Variants in DNAJB6 observed in about 807,000 individuals in gnomAD.
DNAJB6 encodes dnaJ homolog subfamily B member 6.
DNAJB6 carries 16 observed loss-of-function variants against 42.7 expected under a neutral mutation model. The observed-to-expected ratio is 0.37, with a 90% CI of 0.25 to 0.57. DNAJB6 has a LOEUF of 0.57. Ranked by LOEUF, DNAJB6 falls within the 20% of genes least tolerant of loss-of-function variation. The pLI is 0.74. For missense variants in DNAJB6, 347 were observed against 416.8 expected (o/e 0.83, Z 1.46); for synonymous variants, 170 against 163.5 (o/e 1.04, Z -0.30).
chr7:157,337,801 A>G (rs1329880317), intron 1 of DNAJB6: 1 of 152,246 alleles, frequency 6.6e-6, no homozygotes, highest in Admixed American at 6.5e-5. Context: ...ATTAACTCTT[A>G]CCTAAGGAAG....
chr7:157,390,862 TTC>T (rs1489935260), intron 8 of DNAJB6, among the ~76,000 whole-genome samples: 7 of 152,070 alleles, frequency 4.6e-5, no homozygotes, highest in Non-Finnish European at 1.0e-4. Context: ...TTTGGACCAG[TTC>T]TCTCTCTCTA....
At chr7:157,385,490 A>C in intron 7 of DNAJB6, 51 bp from the exon 8 acceptor site, 1 of 1,581,660 alleles carries the variant, frequency 6.3e-7, no homozygotes, top group Non-Finnish European at 8.6e-7. Flanking sequence ...TTACCCTCAC[A>C]CATGCATTTT....
chr7:157,361,666 T>C (rs1799603285), intron 2 of DNAJB6, among the ~76,000 whole-genome samples: 1 of 152,232 alleles, frequency 6.6e-6, no homozygotes, highest in Non-Finnish European at 1.5e-5. Flanking sequence ...AGGGGTATGC[T>C]GCTTCTCTTT....
Position 157,369,828 on chromosome 7 carries a change from G to T in DNAJB6, c.346+2345G>T, listed in dbSNP as rs1800060299. 2.0e-5 allele frequency among the ~76,000 whole-genome samples: 3 copies of T among 146,994 alleles called. 1 individual carries two copies. Among genetic ancestry groups the T allele is most frequent in the Non-Finnish European group, 4.4e-5 (3 of 67,594 alleles). ...CCTTCTTAACATCATTATTAAACAG[G>T]CCTTTCATAACGTTATTATTAAACG... On this transcript the variant is annotated intron_variant, in intron 5 of 9. Coordinates refer to ENST00000262177, the MANE Select transcript of DNAJB6 (RefSeq NM_058246.4).
At chr7:157,370,118 TATTATTAAATGGGACCCTTCTTAAG>T (rs879809727) in intron 5 of DNAJB6, among the ~76,000 whole-genome samples, 54 of 145,532 alleles carry the variant, frequency 3.7e-4, no homozygotes, top group African/African-American at 9.1e-4. Flanking sequence ...TTCTTAACAT[TATTATTAAATGGGACCCTTCTTAAG>T]ATTATTAAAC....
intron 8 of DNAJB6, among the ~76,000 whole-genome samples, chr7:157,387,832 TTTTG>T (rs372553414): frequency 0.033 from 5,012 of 151,916 alleles, 110 homozygotes; most frequent in African/African-American, 0.065. Context: ...AAAACTACTG[TTTTG>T]TTTGTTTGTT....
At chr7:157,357,917 A>G (rs1472829452) in intron 1 of DNAJB6, among the ~76,000 whole-genome samples, 2 of 152,164 alleles carry the variant, frequency 1.3e-5, no homozygotes, top group Non-Finnish European at 2.9e-5. Flanking sequence ...CAACAGGGCA[A>G]TATTGTATTT....
At chr7:157,401,943 GTT>G (rs1451034872) in intron 8 of DNAJB6, among the ~76,000 whole-genome samples, 3 of 152,158 alleles carry the variant, frequency 2.0e-5, no homozygotes, top group African/African-American at 4.8e-5. Flanking sequence ...TCTCAGGATG[GTT>G]GCAAGCCTGG....
chr7:157,374,604 A>G (rs1330305263), intron 5 of DNAJB6, among the ~76,000 whole-genome samples: 1 of 152,070 alleles, frequency 6.6e-6, no homozygotes, highest in Non-Finnish European at 1.5e-5. Context: ...GATGGGTGCC[A>G]TGTTAGTGAT....
chr7:157,345,433 G>C (rs1392509203), intron 1 of DNAJB6, among the ~76,000 whole-genome samples: 2 of 152,040 alleles, frequency 1.3e-5, no homozygotes, highest in African/African-American at 4.8e-5. Context: ...TGCCATTTCA[G>C]CCTCCTGCAT....
rs1304396879 is a variant in DNAJB6 at position 157,409,817 on chromosome 7, C to T, written c.714C>T (p.Leu238=). The T allele has an allele frequency of 5.9e-6, 9 of 1,531,660 alleles. No individual in the cohort carries two copies. Among genetic ancestry groups the T allele is most frequent in the South Asian group, 3.6e-5 (3 of 83,726 alleles). The allele number at this position is 1,531,660 out of a possible 1,614,324, so 94.9% of individuals were successfully genotyped here. ...TINGVADDDA[L]AEERMRRGQN... ...CAGGTGTGGCCGACGACGATGCCCT[C>T]GCTGAGGAGCGCATGCGGAGAGGCC... The change falls in exon 9 of 10, where the codon CTC becomes CTT. Residue 238 remains leucine (L), a synonymous_variant. Transcript: ENST00000262177.
At chr7:157,395,366 G>C (rs1302339064) in intron 8 of DNAJB6, among the ~76,000 whole-genome samples, 1 of 152,198 alleles carries the variant, frequency 6.6e-6, no homozygotes, top group Non-Finnish European at 1.5e-5. Context: ...TTCTGCTTTT[G>C]TCTGTCTTTT....
intron 8 of DNAJB6, among the ~76,000 whole-genome samples, chr7:157,388,591 GTTTTAT>G (rs1801192547): frequency 6.7e-6 from 1 of 148,588 alleles, no homozygotes; most frequent in South Asian, 2.1e-4. Flanking sequence ...TCTTTTTTAA[GTTTTAT>G]TTTTAAAGTC....
At position 157,369,328 on chromosome 7, in the gene DNAJB6, G is replaced by T. The variant is rs77671426; in HGVS notation, c.346+1845G>T. 5.5e-4 allele frequency: 251 copies of T among 456,706 alleles called. 1 individual carries two copies. Among genetic ancestry groups the T allele is most frequent in the African/African-American group, 4.5e-3 (225 of 50,184 alleles). 28.3% of individuals were successfully genotyped at this position (456,706 alleles called of 1,614,324 possible). A position where few individuals can be genotyped will look rare whatever the true frequency, so the allele number is the denominator to read the frequency against. On this transcript the variant is annotated intron_variant, in intron 5 of 9. Transcript: ENST00000262177. ...AAAATGACCTTTGCATCTTGCTGTA[G>T]CCTTCAGCAAACTGCATTTGTTGCT...
intron 1 of DNAJB6, among the ~76,000 whole-genome samples, chr7:157,346,494 T>C (rs917391785): frequency 6.6e-6 from 1 of 152,198 alleles, no homozygotes; most frequent in Non-Finnish European, 1.5e-5. Flanking sequence ...CAGGCTGCTT[T>C]ATCATCTAAT....
At chr7:157,374,000 A>G (rs887497406) in intron 5 of DNAJB6, among the ~76,000 whole-genome samples, 6 of 152,184 alleles carry the variant, frequency 3.9e-5, no homozygotes, top group Admixed American at 3.3e-4. Flanking sequence ...GGGAAAAATA[A>G]TGAGATGCCA....
chr7:157,408,180 A>G (rs1795840229), intron 8 of DNAJB6, among the ~76,000 whole-genome samples: 1 of 152,192 alleles, frequency 6.6e-6, no homozygotes, highest in Admixed American at 6.5e-5. Flanking sequence ...CAGCCATCTC[A>G]GCAGGGGTCC....
At chr7:157,411,312 G>GC (rs749243372) in intron 9 of DNAJB6, 1 of 149,542 alleles carries the variant, frequency 6.7e-6, no homozygotes, top group African/African-American at 2.5e-5. Flanking sequence ...CACTGAGCGG[G>GC]GTGGGGGAGA....
chr7:157,376,666 A>C (rs898276198), intron 5 of DNAJB6, among the ~76,000 whole-genome samples: 2 of 152,168 alleles, frequency 1.3e-5, no homozygotes, highest in Non-Finnish European at 2.9e-5. Context: ...GGATCGCTTG[A>C]GGTCAGGAGT....
Sources: allele counts gnomAD v4.1 joint callset (sites outside exome capture counted in the v4.1 genomes callset), GRCh38; gene constraint gnomAD v4.1.1; transcripts MANE v1.5; gene names NCBI Gene and HGNC (gene_info 2026-07-23, HGNC 2026-07-21).